Variants in PITPNM2 observed in about 807,000 individuals in gnomAD.
The protein encoded by PITPNM2 is membrane-associated phosphatidylinositol transfer protein 2.
PITPNM2 carries 35 observed loss-of-function variants against 132.2 expected under a neutral mutation model. The ratio of observed to expected loss-of-function variants is 0.26; its 90% confidence interval spans 0.20 to 0.35. PITPNM2 has a LOEUF of 0.35. Among genes scored for constraint, PITPNM2 ranks in the 10% least tolerant of loss-of-function variants. The pLI, the probability that PITPNM2 is intolerant of heterozygous loss-of-function variation, is 1.00. For synonymous variants in PITPNM2, 738 were observed against 799.2 expected (o/e 0.92, Z 1.29); for missense variants, 1,332 against 1,912.0 (o/e 0.70, Z 5.66).
At chr12:123,024,397 T>C (rs1322693995) in intron 3 of PITPNM2, among the ~76,000 whole-genome samples, 3 of 152,138 alleles carry the variant, frequency 2.0e-5, no homozygotes, top group Non-Finnish European at 2.9e-5. Flanking sequence ...AGAGTTACCA[T>C]ATGACCCAGC....
rs766117985 is a variant in PITPNM2 at position 123,095,895 on chromosome 12, AC to A, written c.-96+14489del. 6.6e-6 allele frequency among the ~76,000 whole-genome samples: 1 copy of A among 151,790 alleles called. No homozygotes were observed. Among genetic ancestry groups the A allele is most frequent in the Non-Finnish European group, 1.5e-5 (1 of 67,970 alleles). ...CATGGGCTCCACGCCCCAGTGGCAG[AC>A]CCCCCCAACCCCACTTCCACAAGGC... On this transcript the variant is annotated intron_variant, in intron 2 of 25. Coordinates refer to ENST00000320201, the MANE Select transcript of PITPNM2 (RefSeq NM_020845.3). This position sits in a 1 kb window ranked among gnomAD's most constrained non-coding sequence, Gnocchi z 5.0.
Position 123,015,316 on chromosome 12 carries a change from G to T in PITPNM2, c.79-1274C>A, listed in dbSNP as rs973821113. On this transcript the variant is annotated intron_variant, in intron 3 of 25. Coordinates refer to ENST00000320201, the MANE Select transcript of PITPNM2 (RefSeq NM_020845.3). ...CTACAAAACTACAGTAATCAAAAAAGTGTAGCACTGGATAGGATAGACAAA... is the reference window on the plus strand; with the variant it reads ...CTACAAAACTACAGTAATCAAAAAATTGTAGCACTGGATAGGATAGACAAA... Among the ~76,000 whole-genome samples, 10 of 152,182 alleles carry T rather than the reference G, an allele frequency of 6.6e-5. 1 individual carries two copies. The South Asian group carries it at 1.9e-3, about 28-fold the overall frequency.
At chr12:123,017,990 TCC>T in intron 3 of PITPNM2, among the ~76,000 whole-genome samples, 1 of 93,606 alleles carries the variant, frequency 1.1e-5, no homozygotes. Context: ...CACTTTTCCT[TCC>T]TTCCTTCCTT....
chr12:123,009,781 C>G lies in PITPNM2; in HGVS notation c.643+69G>C. The G allele has an allele frequency of 7.1e-7, 1 of 1,402,722 alleles. No homozygotes were observed. The highest frequency in any genetic ancestry group is 1.0e-6 in the Non-Finnish European group (1 of 992,480). 86.9% of individuals were successfully genotyped at this position (1,402,722 alleles called of 1,614,324 possible). A position where few individuals can be genotyped will look rare whatever the true frequency, so the allele number is the denominator to read the frequency against. ...CAGACATGCAAAGAGAGGAGGCAGA[C>G]AGGCAGGTGACAGGAGACAGAGGGG... On this transcript the variant is annotated intron_variant, in intron 6 of 25. Coordinates refer to ENST00000320201, the MANE Select transcript of PITPNM2 (RefSeq NM_020845.3). The surrounding 1 kb of genome is among the most constrained non-coding windows in gnomAD (Gnocchi z 4.8).
In PITPNM2 at chr12:123,031,413, A is replaced by G. The variant is rs1002528795; in HGVS notation, c.78+3100T>C. ...CGCCTGTCTAAGACCCAGCTGGGGCAGGGCTGGCCAGCAGGGGCCTTAAGT... is the reference window on the plus strand; with the variant it reads ...CGCCTGTCTAAGACCCAGCTGGGGCGGGGCTGGCCAGCAGGGGCCTTAAGT... On this transcript the variant is annotated intron_variant, in intron 3 of 25. Coordinates refer to ENST00000320201, the MANE Select transcript of PITPNM2 (RefSeq NM_020845.3). The surrounding 1 kb of genome is among the most constrained non-coding windows in gnomAD (Gnocchi z 4.5). Among the ~76,000 whole-genome samples, 1 of 152,222 alleles carries G rather than the reference A, an allele frequency of 6.6e-6. No homozygotes were observed. The highest frequency in any genetic ancestry group is 1.5e-5 in the Non-Finnish European group (1 of 68,026).
chr12:123,027,621 C>T lies in PITPNM2; in HGVS notation c.78+6892G>A, dbSNP rs555672648. Among the ~76,000 whole-genome samples, 11 of 152,344 alleles carry T rather than the reference C, an allele frequency of 7.2e-5. 1 individual carries two copies. The South Asian group carries it at 2.3e-3, about 32-fold the overall frequency. On this transcript the variant is annotated intron_variant, in intron 3 of 25. Transcript: ENST00000320201. ...CGTGAGGATTAAAGCAGGTTCTGAT[C>T]ATTTGCTGGACACTGATTCAGTCGG...
At chr12:123,104,346 T>C (rs564026160) in intron 2 of PITPNM2, among the ~76,000 whole-genome samples, 116 of 152,318 alleles carry the variant, frequency 7.6e-4, no homozygotes, top group Non-Finnish European at 1.3e-3. Flanking sequence ...CCCTGTGACT[T>C]GCACCTATAC....
At chr12:123,110,080 C>A (rs879148038) in intron 2 of PITPNM2, among the ~76,000 whole-genome samples, 1 of 152,178 alleles carries the variant, frequency 6.6e-6, no homozygotes, top group Admixed American at 6.5e-5. Context: ...ACATCAGCCT[C>A]CCCAGTAGCT....
chr12:123,034,471 A>T, intron 3 of PITPNM2, 42 bp downstream of exon 3: 1 of 1,568,356 alleles, frequency 6.4e-7, no homozygotes, highest in Non-Finnish European at 8.8e-7. Flanking sequence ...CGCTGGCGCG[A>T]CCCACCCTCA....
rs190186175 is a variant in PITPNM2 at position 123,138,753 on chromosome 12, G to A, written c.-200+12000C>T. Among the ~76,000 whole-genome samples the A allele has an allele frequency of 3.3e-5, 5 of 152,316 alleles. No individual in the cohort carries two copies. In the East Asian group the frequency reaches 5.8e-4, roughly 18 times the overall value. ...GAGTGATGAAAGTGTTCTGGAATTC[G>A]ATAGAGCCAGTGAGTGCACACTGCT... is the stretch of plus-strand genomic sequence containing the variant. On this transcript the variant is annotated intron_variant, in intron 1 of 25. Transcript: ENST00000320201.
intron 1 of PITPNM2, among the ~76,000 whole-genome samples, chr12:123,113,546 C>G (rs1040494965): frequency 6.6e-6 from 1 of 152,040 alleles, no homozygotes; most frequent in African/African-American, 2.4e-5. Flanking sequence ...TACAAAAATT[C>G]ATAAATTAGC....
chr12:122,997,043 AGGCTTGGGGGACCAG>A (rs1050552194), intron 11 of PITPNM2, 133 bp from the exon 12 acceptor site: 1 of 1,006,526 alleles, frequency 9.9e-7, no homozygotes, highest in African/African-American at 1.6e-5. Context: ...GGGCCTGGAT[AGGCTTGGGGGACCAG>A]GGTGGGTAAG....
At chr12:123,044,921 G>A (rs2040605093) in intron 2 of PITPNM2, among the ~76,000 whole-genome samples, 1 of 152,136 alleles carries the variant, frequency 6.6e-6, no homozygotes, top group African/African-American at 2.4e-5. Context: ...TTAAGTAGCT[G>A]GGACCACAGG....
chr12:123,020,275 C>T (rs1377938753), intron 3 of PITPNM2, among the ~76,000 whole-genome samples: 1 of 151,880 alleles, frequency 6.6e-6, no homozygotes, highest in Non-Finnish European at 1.5e-5. Context: ...CACGCGCCAC[C>T]ACACCCAGCT....
chr12:122,987,465 C>A (rs2037985691), intron 22 of PITPNM2, 35 bp from the exon 23 acceptor site: 2 of 1,611,848 alleles, frequency 1.2e-6, no homozygotes, highest in Non-Finnish European at 1.7e-6. Flanking sequence ...CAGAACCACC[C>A]AGAGCCTCGC....
chr12:123,104,701 ACT>A (rs1348228832), intron 2 of PITPNM2, among the ~76,000 whole-genome samples: 4 of 151,468 alleles, frequency 2.6e-5, no homozygotes, highest in African/African-American at 4.9e-5. Context: ...CCCTTCGCTG[ACT>A]CTCTTTTCTG....
chr12:123,041,906 G>T (rs2136541509), intron 2 of PITPNM2, among the ~76,000 whole-genome samples: 1 of 152,216 alleles, frequency 6.6e-6, no homozygotes, highest in African/African-American at 2.4e-5. Flanking sequence ...AAAGTCTTCA[G>T]GTTCCAGACC....
At chr12:123,102,296 C>T (rs1030826881) in intron 2 of PITPNM2, among the ~76,000 whole-genome samples, 22 of 152,202 alleles carry the variant, frequency 1.4e-4, no homozygotes, top group African/African-American at 4.3e-4. Flanking sequence ...TTACTGTCTC[C>T]GCATCCTCGT....
intron 2 of PITPNM2, among the ~76,000 whole-genome samples, chr12:123,035,691 C>T (rs1329081284): frequency 6.6e-6 from 1 of 151,682 alleles, no homozygotes; most frequent in Non-Finnish European, 1.5e-5. Context: ...AAACTTGGTG[C>T]TTGGAAGAGG....
Sources: gnomAD v4.1 joint callset for allele counts (sites outside exome capture counted in the v4.1 genomes callset) on GRCh38, gnomAD v4.1.1 for gene constraint, Gnocchi (gnomAD v3.1) non-coding constraint, MANE v1.5 for transcripts, NCBI Gene and HGNC (gene_info 2026-07-23, HGNC 2026-07-21) for gene names.